Variants in FA2H observed in about 807,000 individuals in gnomAD.
The protein encoded by FA2H is fatty acid alpha-hydroxylase.
In FA2H, 22 loss-of-function variants were observed where a neutral mutation model predicts 44.9. The ratio of observed to expected loss-of-function variants is 0.49; its 90% CI spans 0.35 to 0.70. The LOEUF (loss-of-function observed/expected upper bound fraction) is 0.70, where lower values mean the gene tolerates loss of function less well. Ranked by LOEUF, FA2H falls within the 30% of genes least tolerant of loss-of-function variation. FA2H has a pLI of 0.01. For missense variants in FA2H, 501 were observed against 504.9 expected (o/e 0.99, Z 0.07); for synonymous variants, 243 against 213.2 (o/e 1.14, Z -1.22).
At chr16:74,731,253 G>A (rs1962065964) in intron 2 of FA2H, among the ~76,000 whole-genome samples, 1 of 141,376 alleles carries the variant, frequency 7.1e-6, no homozygotes, top group Non-Finnish European at 1.5e-5. Context: ...CGCTGCCTCA[G>A]CCTCCTGAGT....
At chr16:74,756,126 C>G (rs921971306) in intron 1 of FA2H, among the ~76,000 whole-genome samples, 1 of 152,198 alleles carries the variant, frequency 6.6e-6, no homozygotes, top group African/African-American at 2.4e-5. Context: ...CATGTTCCCC[C>G]TAGCAATCAT....
intron 1 of FA2H, among the ~76,000 whole-genome samples, chr16:74,742,607 G>T (rs988888861): frequency 3.9e-5 from 6 of 152,214 alleles, no homozygotes; most frequent in Admixed American, 1.3e-4. Flanking sequence ...GCTGAGGTGG[G>T]AGGATTGCTT....
chr16:74,733,287 C>G (rs986234958), intron 2 of FA2H, among the ~76,000 whole-genome samples: 3 of 152,194 alleles, frequency 2.0e-5, no homozygotes, highest in African/African-American at 7.2e-5. Flanking sequence ...GCCTCAGTCT[C>G]GCTATTCCAG....
At chr16:74,750,371 C>T (rs1311295420) in intron 1 of FA2H, among the ~76,000 whole-genome samples, 1 of 152,200 alleles carries the variant, frequency 6.6e-6, no homozygotes, top group African/African-American at 2.4e-5. Flanking sequence ...TATTGATTTA[C>T]AAACAACCTC....
intron 2 of FA2H, among the ~76,000 whole-genome samples, chr16:74,735,043 A>G (rs1962154222): frequency 6.6e-6 from 1 of 152,142 alleles, no homozygotes; most frequent in South Asian, 2.1e-4. Flanking sequence ...CACATCCCCT[A>G]TCCTTCATGA....
At chr16:74,734,361 G>A (rs965449454) in intron 2 of FA2H, among the ~76,000 whole-genome samples, 1 of 152,284 alleles carries the variant, frequency 6.6e-6, no homozygotes, top group African/African-American at 2.4e-5. Flanking sequence ...GGTTATGCCC[G>A]AAACTGCTCT....
chr16:74,744,190 C>T lies in FA2H; in HGVS notation c.271-4075G>A, dbSNP rs183698497. Among the ~76,000 whole-genome samples, 3 of 152,228 alleles carry T rather than the reference C, an allele frequency of 2.0e-5. No homozygotes were observed. The East Asian group carries it at 5.8e-4, about 30-fold the overall frequency. On this transcript the variant is annotated intron_variant, in intron 1 of 6. Transcript: ENST00000219368. ...TTATTTTATAGTTGAGCCAGCTCAC[C>T]CTTGAATTCCACAGGCGAACACCAT...
In FA2H at chr16:74,773,885, C is replaced by G. The variant is rs1303525788; in HGVS notation, c.270+601G>C. ...CATTTCACTCTTTTGGAGTCCCAAG[C>G]CAGCGTGTAGGACAAGAATATAAGG... On this transcript the variant is annotated intron_variant, in intron 1 of 6. Coordinates refer to ENST00000219368, the MANE Select transcript of FA2H (RefSeq NM_024306.5). Among the ~76,000 whole-genome samples the G allele has an allele frequency of 3.3e-5, 5 of 152,162 alleles. No individual in the cohort carries two copies. The East Asian group carries it at 9.6e-4, about 29-fold the overall frequency.
chr16:74,729,327 G>A (rs756663929), intron 2 of FA2H, among the ~76,000 whole-genome samples: 8 of 152,106 alleles, frequency 5.3e-5, no homozygotes, highest in Non-Finnish European at 8.8e-5. Flanking sequence ...GTTTTATTAA[G>A]AGGTGGGTCT....
intron 1 of FA2H, among the ~76,000 whole-genome samples, chr16:74,742,730 C>T (rs115957083): frequency 0.014 from 2,187 of 152,124 alleles, 59 homozygotes; most frequent in African/African-American, 0.05. Flanking sequence ...CCTAGCTACT[C>T]AGGAGGCTGA....
Position 74,719,046 on chromosome 16 carries a change from G to C in FA2H, c.728C>G (p.Pro243Arg). Residue 243 changes from proline (P) to arginine (R), a missense_variant, in exon 5 of 7, where the codon CCC becomes CGC. Pro to Arg is a moderately radical substitution (Grantham distance 103). Transcript: ENST00000219368. ...CATGATGAGGTAATAGCTGTCGCTG[G>C]GGGGCTTCATGTGGAACAGGAAGCG... ...IHRFLFHMKPPSDSYYLIMLH... is the reference protein window; with the variant it reads ...IHRFLFHMKPRSDSYYLIMLH... 6.2e-7 allele frequency: 1 copy of C among 1,614,026 alleles called. No individual in the cohort carries two copies. The highest frequency in any genetic ancestry group is 1.7e-5 in the Admixed American group (1 of 60,032).
Position 74,774,543 on chromosome 16 carries a change from G to A in FA2H, c.213C>T (p.Ala71=). 1 of 1,546,630 alleles carries A rather than the reference G, an allele frequency of 6.5e-7. No individual in the cohort carries two copies. The highest frequency in any genetic ancestry group is 1.9e-5 in the Admixed American group (1 of 53,158). Residue 71 remains alanine, a synonymous_variant, in exon 1 of 7, where the codon GCC becomes GCT. Coordinates refer to ENST00000219368, the MANE Select transcript of FA2H (RefSeq NM_024306.5). The stretch of plus-strand genomic sequence containing the variant: ...ACTGCTCCAGCCAGCGGCGCGCGTT[G>A]GCCGAGTGCCTGTGCGGCGGCCCGT... ...DLDGPPHRHS[A]NARRWLEQYY... is the part of the protein sequence containing the mutation.
At chr16:74,723,212 A>G (rs1193210146) in intron 4 of FA2H, among the ~76,000 whole-genome samples, 1 of 152,126 alleles carries the variant, frequency 6.6e-6, no homozygotes, top group African/African-American at 2.4e-5. Context: ...CAGTTTCTCA[A>G]ATTCTCAAAG....
rs529743145 is a variant in FA2H at position 74,713,305 on chromosome 16, C to G, written c.*885G>C. The G allele has an allele frequency of 6.5e-6, 1 of 152,784 alleles. No individual in the cohort carries two copies. The highest frequency in any genetic ancestry group is 6.5e-5 in the Admixed American group (1 of 15,292). 9.5% of individuals were successfully genotyped at this position (152,784 alleles called of 1,614,324 possible). On this transcript the variant is annotated 3_prime_UTR_variant, in exon 7 of 7. Coordinates refer to ENST00000219368, the MANE Select transcript of FA2H (RefSeq NM_024306.5). ...TTTATAAATAAGACCGTCCTGGGAG[C>G]AGTGAGGGTTTTGGTTACGAGGAGG... is the stretch of plus-strand genomic sequence containing the variant.
intron 1 of FA2H, among the ~76,000 whole-genome samples, chr16:74,760,573 G>A (rs73616433): frequency 0.088 from 13,286 of 150,924 alleles, 663 homozygotes; most frequent in African/African-American, 0.12. Context: ...TCAATGACAC[G>A]TCAGAGGAAG....
chr16:74,770,566 T>A (rs1332726385), intron 1 of FA2H, among the ~76,000 whole-genome samples: 1 of 152,152 alleles, frequency 6.6e-6, no homozygotes, highest in Non-Finnish European at 1.5e-5. Flanking sequence ...AGACGGGGTT[T>A]CACCATGTTG....
chr16:74,770,747 G>T (rs1401188446), intron 1 of FA2H, among the ~76,000 whole-genome samples: 1 of 152,244 alleles, frequency 6.6e-6, no homozygotes, highest in African/African-American at 2.4e-5. Context: ...TGGCAGCCCA[G>T]TGGAGGGCTG....
chr16:74,766,682 T>C (rs530696133), intron 1 of FA2H, among the ~76,000 whole-genome samples: 3 of 152,268 alleles, frequency 2.0e-5, no homozygotes, highest in African/African-American at 7.2e-5. Flanking sequence ...GTCCAAGCCA[T>C]TGGCTCTTCT....
At chr16:74,772,774 G>C (rs1164042985) in intron 1 of FA2H, among the ~76,000 whole-genome samples, 1 of 152,096 alleles carries the variant, frequency 6.6e-6, no homozygotes, top group Admixed American at 6.6e-5. Context: ...TAATTAAATG[G>C]AAAATTCCAG....
Sources: gnomAD v4.1 joint callset for allele counts (sites outside exome capture counted in the v4.1 genomes callset) on GRCh38, gnomAD v4.1.1 for gene constraint, MANE v1.5 for transcripts, NCBI Gene and HGNC (gene_info 2026-07-23, HGNC 2026-07-21) for gene names.